Variants in ZNF563 observed in about 807,000 individuals in gnomAD.
ZNF563 encodes the protein zinc finger protein 563.
Under a neutral mutation model 48.5 loss-of-function variants are expected in ZNF563, and 39 were observed. The ratio of observed to expected loss-of-function variants is 0.80; its 90% CI spans 0.62 to 1.05. The LOEUF (loss-of-function observed/expected upper bound fraction) is 1.05. Among genes scored for constraint, ZNF563 ranks in the 50% least tolerant of loss-of-function variants. The pLI is 0.00. For missense variants in ZNF563, 538 were observed against 597.0 expected, an observed-to-expected ratio of 0.90 and a Z score of 1.03; for synonymous variants, 168 against 187.9, an observed-to-expected ratio of 0.89 and a Z score of 0.87.
At chr19:12,341,253 T>A in the ZNF563 span, among the ~76,000 whole-genome samples, 30 of 152,300 alleles carry the variant, frequency 2.0e-4, no homozygotes, top group South Asian at 2.1e-3. Flanking sequence ...GGTTTTGCCA[T>A]GTTGCCCAGG....
upstream of ZNF563, among the ~76,000 whole-genome samples, chr19:12,337,188 C>T (rs1429929121): frequency 6.6e-6 from 1 of 151,872 alleles, no homozygotes; most frequent in Non-Finnish European, 1.5e-5. Context: ...CACCCCTTAC[C>T]ACAACAGTTA....
rs367576930 is a variant in ZNF563, at chr19:12,318,644, G to A, written c.1381C>T (p.Pro461Ser). 20 of 1,614,124 alleles carry A rather than the reference G, an allele frequency of 1.2e-5. No homozygotes were observed. Among genetic ancestry groups the A allele is most frequent in the Middle Eastern group, 1.6e-4 (1 of 6,062 alleles). Reference sequence around the variant, plus strand: ...TTTTCATGTCTTTGACATACACTGGGATAAACAAAGGCTTTCCCACATACC... The same window carrying A: ...TTTTCATGTCTTTGACATACACTGGAATAAACAAAGGCTTTCCCACATACC... Reference protein sequence around the residue: ...CKVCGKAFVYPSVCQRHEKTH... With the variant: ...CKVCGKAFVYSSVCQRHEKTH... The change falls in exon 4 of 4, where the codon CCC becomes TCC. Residue 461 changes from proline to serine, a missense_variant. By Grantham distance (74) the Pro-to-Ser change is moderately conservative. Coordinates refer to ENST00000293725, the MANE Select transcript of ZNF563 (RefSeq NM_145276.3).
At chr19:12,343,022 C>T in the ZNF563 span, among the ~76,000 whole-genome samples, 1 of 150,778 alleles carries the variant, frequency 6.6e-6, no homozygotes, top group East Asian at 1.9e-4. Context: ...ATGGTGAAAC[C>T]CTGTCTCTAC....
intron 3 of ZNF563, 64 bp downstream of exon 3, chr19:12,321,208 A>T: frequency 1.7e-6 from 2 of 1,194,450 alleles, no homozygotes; most frequent in Non-Finnish European, 2.4e-6. Flanking sequence ...CTTTGTTTTT[A>T]AAATTTCCTT....
At chr19:12,326,863 T>C (rs1968808350) in intron 1 of ZNF563, among the ~76,000 whole-genome samples, 1 of 152,226 alleles carries the variant, frequency 6.6e-6, no homozygotes, top group African/African-American at 2.4e-5. Flanking sequence ...TCTTATACTT[T>C]CTTGATCTAA....
At chr19:12,333,142 G>GAACCCC (rs1165640150) in intron 1 of ZNF563, among the ~76,000 whole-genome samples, 9 of 152,148 alleles carry the variant, frequency 5.9e-5, no homozygotes, top group Non-Finnish European at 1.0e-4. Flanking sequence ...TCACAGGCAC[G>GAACCCC]AACCCCACAC....
chr19:12,329,317 C>T (rs755470651), intron 1 of ZNF563, among the ~76,000 whole-genome samples: 3 of 151,854 alleles, frequency 2.0e-5, no homozygotes, highest in Non-Finnish European at 4.4e-5. Context: ...ACTAAAAATA[C>T]AAAAATTAGC....
Position 12,333,616 on chromosome 19 carries a change from G to A in ZNF563, c.-134C>T, listed in dbSNP as rs1306226136. On this transcript the variant is annotated 5_prime_UTR_variant, in exon 1 of 4. In the 5' UTR this introduces an upstream ATG that the reference lacks. Transcript: ENST00000293725. ...TGAGGCTACACAGACGTTCCAGGGC[G>A]TCTCTCAGCGAGCGACTGAGTCTAG... 6.0e-6 allele frequency: 8 copies of A among 1,339,380 alleles called. No individual in the cohort carries two copies. Among genetic ancestry groups the A allele is most frequent in the Non-Finnish European group, 7.1e-6 (7 of 980,468 alleles). 83.0% of individuals were successfully genotyped at this position (1,339,380 alleles called of 1,614,324 possible). A position where few individuals can be genotyped will look rare whatever the true frequency, so the allele number is the denominator to read the frequency against.
At chr19:12,333,962 GAGA>G (rs1204667979), upstream of ZNF563, among the ~76,000 whole-genome samples, 4 of 152,218 alleles carry the variant, frequency 2.6e-5, no homozygotes, top group Non-Finnish European at 5.9e-5. Flanking sequence ...TTTCCTCCTG[GAGA>G]AGGAGTCACA....
In ZNF563 at chr19:12,318,436, C is replaced by T. The variant is rs1443672415; in HGVS notation, c.*158G>A. On this transcript the variant is annotated 3_prime_UTR_variant, in exon 4 of 4. Transcript: ENST00000293725. ...ACTTTCCCACATTCCTTATATCATA[C>T]AGCATCTCTCCAGTGTGAGATATTT... 4.8e-6 allele frequency: 4 copies of T among 829,806 alleles called. No homozygotes were observed. The highest frequency in any genetic ancestry group is 3.4e-5 in the African/African-American group (2 of 58,092). 51.4% of individuals were successfully genotyped at this position (829,806 alleles called of 1,614,324 possible). A position where few individuals can be genotyped will look rare whatever the true frequency, so the allele number is the denominator to read the frequency against.
intron 1 of ZNF563, 66 bp downstream of exon 1, chr19:12,333,414 G>A (rs2145821862): frequency 1.9e-6 from 3 of 1,580,874 alleles, no homozygotes; most frequent in Non-Finnish European, 2.6e-6. Context: ...CGTTCGCCGC[G>A]GCCGGTTCTG....
In ZNF563 at chr19:12,331,235, A is replaced by T. The variant is rs28523830; in HGVS notation, c.3+2245T>A. Among the ~76,000 whole-genome samples, 1,163 of 152,304 alleles carry T rather than the reference A, an allele frequency of 7.6e-3. 18 individuals are homozygous for T. The highest frequency in any genetic ancestry group is 0.027 in the African/African-American group (1,122 of 41,548). On this transcript the variant is annotated intron_variant, in intron 1 of 3. Coordinates refer to ENST00000293725, the MANE Select transcript of ZNF563 (RefSeq NM_145276.3). ...GTGAACAAATCTTTTCAAGGTTGACAACCTCAGGGAGGGGCAGTGCTGACT... is the reference window on the plus strand; with the variant it reads ...GTGAACAAATCTTTTCAAGGTTGACTACCTCAGGGAGGGGCAGTGCTGACT...
chr19:12,334,998 C>T (rs1969002688), upstream of ZNF563, among the ~76,000 whole-genome samples: 1 of 151,796 alleles, frequency 6.6e-6, no homozygotes, highest in Non-Finnish European at 1.5e-5. Context: ...TGTGCAGCTT[C>T]GTGCTACGTG....
the ZNF563 span, among the ~76,000 whole-genome samples, chr19:12,341,081 A>G: frequency 3.9e-5 from 6 of 152,186 alleles, no homozygotes; most frequent in African/African-American, 1.4e-4. Flanking sequence ...ACAAGGTCTC[A>G]CTTCCATTGC....
At chr19:12,325,586 T>C (rs1397408294) in intron 1 of ZNF563, among the ~76,000 whole-genome samples, 2 of 152,228 alleles carry the variant, frequency 1.3e-5, no homozygotes, top group South Asian at 2.1e-4. Flanking sequence ...ATTGTGGAAC[T>C]GAGAGAGCCA....
the ZNF563 span, among the ~76,000 whole-genome samples, chr19:12,344,264 G>A: frequency 2.0e-5 from 3 of 151,256 alleles, no homozygotes; most frequent in Non-Finnish European, 2.9e-5. Context: ...GTGGTGGCAT[G>A]TGCCTATGGT....
chr19:12,324,289 G>A (rs1189295148), intron 1 of ZNF563, among the ~76,000 whole-genome samples: 1 of 152,094 alleles, frequency 6.6e-6, no homozygotes, highest in Non-Finnish European at 1.5e-5. Context: ...AGCCCAGGAT[G>A]TGAAGACTGT....
In ZNF563 at chr19:12,320,469, G is replaced by A. The variant is rs151017682; in HGVS notation, c.192-636C>T. Among the ~76,000 whole-genome samples, 338 of 152,066 alleles carry A rather than the reference G, an allele frequency of 2.2e-3. 2 individuals are homozygous for A. Among genetic ancestry groups the A allele is most frequent in the African/African-American group, 7.9e-3 (329 of 41,488 alleles). ...TGATCTACCTACTTCAGCCTCATGA[G>A]TAGCTGGAACCATAGGTGTGCACCA... On this transcript the variant is annotated intron_variant, in intron 3 of 3. Transcript: ENST00000293725.
At chr19:12,323,525 A>G (rs199822523) in intron 1 of ZNF563, among the ~76,000 whole-genome samples, 1 of 152,352 alleles carries the variant, frequency 6.6e-6, no homozygotes, top group East Asian at 1.9e-4. Flanking sequence ...CTTGCCATGT[A>G]ATGCTTTATG....
Sources: gnomAD v4.1 joint callset for allele counts (sites outside exome capture counted in the v4.1 genomes callset) on GRCh38, gnomAD v4.1.1 for gene constraint, MANE v1.5 for transcripts, NCBI Gene and HGNC (gene_info 2026-07-23, HGNC 2026-07-21) for gene names.